The following HEATR5B variants were observed in gnomAD, a reference collection of about 807,000 sequenced individuals.
HEATR5B encodes HEAT repeat-containing protein 5B.
HEATR5B carries 156 observed loss-of-function variants against 224.1 expected under a neutral mutation model. The observed-to-expected ratio is 0.70, with a 90% CI of 0.61 to 0.80. HEATR5B has a LOEUF of 0.80. HEATR5B is among the 30% of genes least tolerant of loss of function. HEATR5B has a pLI of 0.00. For missense variants in HEATR5B, 2,323 were observed against 2,535.5 expected, an observed-to-expected ratio of 0.92 and a Z score of 1.80; for synonymous variants, 1,027 against 893.0, an observed-to-expected ratio of 1.15 and a Z score of -2.68.
At chr2:37,005,796 A>T in intron 29 of HEATR5B, 37 bp from the exon 30 acceptor site, 1 of 1,496,550 alleles carries the variant, frequency 6.7e-7, no homozygotes, top group Non-Finnish European at 9.0e-7. Flanking sequence ...TTTTTCACTT[A>T]TAAAACACTT....
At chr2:37,060,342 G>T (rs114834036) in intron 12 of HEATR5B, among the ~76,000 whole-genome samples, 5 of 152,062 alleles carry the variant, frequency 3.3e-5, no homozygotes, top group Non-Finnish European at 5.9e-5. Context: ...AGAGGCCTGG[G>T]TTCTAGTTCC....
intron 7 of HEATR5B, among the ~76,000 whole-genome samples, chr2:37,069,827 A>G (rs1671798705): frequency 6.6e-6 from 1 of 152,074 alleles, no homozygotes; most frequent in Non-Finnish European, 1.5e-5. Context: ...ACCAGACAAT[A>G]TTAAAAATGT....
rs746268638 is a variant in HEATR5B at position 37,061,948 on chromosome 2, T to G, written c.1687A>C (p.Met563Leu). Residue 563 changes from methionine (M) to leucine (L), a missense_variant, in exon 11 of 36, where the codon ATG becomes CTG. Around this residue, in one of 12 missense-constraint regions of HEATR5B, gnomAD observed 502 missense variants for 517.8 expected, o/e 0.97. Coordinates refer to ENST00000233099, the MANE Select transcript of HEATR5B (RefSeq NM_019024.3). ...TCAAATATAATTATACCTAAAGTCA[T>G]AAGTGCTCCAAGTAAAAGCCAGCCA... Reference protein sequence around the residue: ...QAGWLLLGALMTLGPSVVRYH... With the variant: ...QAGWLLLGALLTLGPSVVRYH... The G allele has an allele frequency of 1.2e-6, 2 of 1,606,902 alleles. No homozygotes were observed. Among genetic ancestry groups the G allele is most frequent in the African/African-American group, 2.7e-5 (2 of 74,780 alleles).
intron 28 of HEATR5B, chr2:37,008,037 T>C (rs566943822): frequency 1.9e-5 from 3 of 154,876 alleles, no homozygotes; most frequent in African/African-American, 4.8e-5. Flanking sequence ...GACTTCCTCA[T>C]CACTCCTTGC....
intron 10 of HEATR5B, among the ~76,000 whole-genome samples, chr2:37,062,372 G>A (rs1671336718): frequency 6.6e-6 from 1 of 152,216 alleles, no homozygotes; most frequent in Non-Finnish European, 1.5e-5. Context: ...GGAGGTTGCA[G>A]TGAGCAGAGA....
intron 32 of HEATR5B, 124 bp downstream of exon 32, chr2:37,002,182 A>G (rs951956215): frequency 8.3e-6 from 9 of 1,080,994 alleles, no homozygotes; most frequent in Non-Finnish European, 1.2e-5. Context: ...AAAAAAGACC[A>G]GCTTCTTATT....
In HEATR5B at chr2:37,032,573, A is replaced by C. The variant is rs1348254782; in HGVS notation, c.3361+56T>G. On this transcript the variant is annotated intron_variant, in intron 22 of 35. Transcript: ENST00000233099. ...AATGTTATTTGATAAATAGTACTTA[A>C]CTGAAATGTAAAAGTAGTTAAACAA... 11 of 1,422,670 alleles carry C rather than the reference A, an allele frequency of 7.7e-6. No homozygotes were observed. The African/African-American group carries it at 8.5e-5, about 11-fold the overall frequency. 88.1% of individuals were successfully genotyped at this position (1,422,670 alleles called of 1,614,324 possible).
chr2:36,989,581 G>A (rs762401798), intron 34 of HEATR5B, among the ~76,000 whole-genome samples: 15 of 151,988 alleles, frequency 9.9e-5, no homozygotes, highest in Non-Finnish European at 2.1e-4. Context: ...TTGATTCCCT[G>A]GAAATGACTG....
chr2:37,059,460 A>ATTTT, intron 12 of HEATR5B, among the ~76,000 whole-genome samples: 1 of 105,188 alleles, frequency 9.5e-6, no homozygotes, highest in South Asian at 3.7e-4. Flanking sequence ...ATATATATAT[A>ATTTT]TATATTTTTT....
At chr2:37,062,455 G>A (rs190780427) in intron 10 of HEATR5B, among the ~76,000 whole-genome samples, 20 of 152,096 alleles carry the variant, frequency 1.3e-4, no homozygotes, top group African/African-American at 4.8e-4. Context: ...TTGTCCTCTC[G>A]TGTTATTAGC....
chr2:37,055,517 T>C (rs1326350689), intron 16 of HEATR5B, among the ~76,000 whole-genome samples: 1 of 152,250 alleles, frequency 6.6e-6, no homozygotes, highest in East Asian at 1.9e-4. Context: ...TTAACATTTA[T>C]GTGGCAACCA....
chr2:37,016,981 C>A (rs17332671), intron 26 of HEATR5B, among the ~76,000 whole-genome samples: 8 of 151,828 alleles, frequency 5.3e-5, no homozygotes, highest in Non-Finnish European at 1.2e-4. Flanking sequence ...CTGTTACTCC[C>A]AAAGGAAACT....
chr2:36,999,539 C>A (rs967402615), intron 33 of HEATR5B, among the ~76,000 whole-genome samples: 5 of 151,610 alleles, frequency 3.3e-5, no homozygotes, highest in African/African-American at 7.3e-5. Context: ...GTTAGCCAGG[C>A]ACGGTTGCGC....
intron 28 of HEATR5B, 90 bp downstream of exon 28, chr2:37,008,521 G>C: frequency 6.9e-6 from 6 of 872,716 alleles, no homozygotes; most frequent in Non-Finnish European, 9.7e-6. Flanking sequence ...TGTTACTATA[G>C]CAACTGTTGT....
Position 36,992,016 on chromosome 2 carries a change from G to A in HEATR5B, c.5546-1217C>T, listed in dbSNP as rs144381659. ...ATTTCTAGAACAGACTGGACAACAT[G>A]GTGAAACATCATTTCTACTAAAAAT... On this transcript the variant is annotated intron_variant, in intron 33 of 35. Transcript: ENST00000233099. Among the ~76,000 whole-genome samples the A allele has an allele frequency of 9.5e-4, 144 of 152,124 alleles. 2 individuals carry two copies. In the East Asian group the frequency reaches 0.024, roughly 25 times the overall value.
intron 10 of HEATR5B, 33 bp from the exon 11 acceptor site, chr2:37,062,083 C>A: frequency 8.0e-7 from 1 of 1,247,288 alleles, no homozygotes; most frequent in South Asian, 1.2e-5. Context: ...GATTTTAATT[C>A]AAACAAGTTA....
intron 17 of HEATR5B, 68 bp from the exon 18 acceptor site, chr2:37,049,911 G>A (rs1245117326): frequency 2.9e-6 from 4 of 1,389,730 alleles, no homozygotes; most frequent in African/African-American, 3.0e-5. Context: ...TTTTTTTTAA[G>A]GCAAGGTCTT....
At position 37,007,032 on chromosome 2, in the gene HEATR5B, T is replaced by A; in HGVS notation, c.4777+18A>T. On this transcript the variant is annotated intron_variant, in intron 29 of 35. Coordinates refer to ENST00000233099, the MANE Select transcript of HEATR5B (RefSeq NM_019024.3). ...TCAGAAGTGATAATCTTGAAATATA[T>A]TAATATGACAGACCTACCTAAAATC... The A allele has an allele frequency of 6.2e-7, 1 of 1,609,926 alleles. No homozygotes were observed. Among genetic ancestry groups the A allele is most frequent in the Non-Finnish European group, 8.5e-7 (1 of 1,177,048 alleles).
At chr2:37,012,059 T>C (rs1159759781) in intron 27 of HEATR5B, among the ~76,000 whole-genome samples, 2 of 152,182 alleles carry the variant, frequency 1.3e-5, no homozygotes, top group Non-Finnish European at 2.9e-5. Context: ...TTCTTATAGA[T>C]ATTACACAAA....
Sources: gnomAD v4.1 joint callset for allele counts (sites outside exome capture counted in the v4.1 genomes callset) on GRCh38, gnomAD v4.1.1 for gene constraint, gnomAD v4.1.1 regional missense constraint, MANE v1.5 for transcripts, NCBI Gene and HGNC (gene_info 2026-07-23, HGNC 2026-07-21) for gene names.